GPAM: variants seen among roughly 807,000 people sequenced by gnomAD.
The protein encoded by GPAM is glycerol-3-phosphate acyltransferase 1, mitochondrial.
GPAM carries 56 observed loss-of-function variants against 105.0 expected under a neutral mutation model. The observed-to-expected ratio is 0.53, with a 90% CI of 0.43 to 0.67. GPAM has a LOEUF of 0.67. Ranked by LOEUF, GPAM falls within the 30% of genes least tolerant of loss-of-function variation. GPAM has a pLI of 0.00. For missense variants in GPAM, 855 were observed against 989.8 expected, an observed-to-expected ratio of 0.86 and a Z score of 1.83; for synonymous variants, 368 against 354.4, an observed-to-expected ratio of 1.04 and a Z score of -0.43.
intron 1 of GPAM, among the ~76,000 whole-genome samples, chr10:112,194,375 A>G (rs759243537): frequency 3.3e-5 from 5 of 152,240 alleles, no homozygotes; most frequent in Non-Finnish European, 5.9e-5. Context: ...CTAACAAGAC[A>G]GGCTACACTA....
In GPAM at chr10:112,169,097, T is replaced by C; in HGVS notation, c.795-145A>G. 2.3e-5 allele frequency: 15 copies of C among 643,238 alleles called. No homozygotes were observed. In the South Asian group the frequency reaches 2.6e-4, roughly 11 times the overall value. The allele number at this position is 643,238 out of a possible 1,614,324, so 39.8% of individuals were successfully genotyped here. On this transcript the variant is annotated intron_variant, in intron 9 of 21. Transcript: ENST00000348367. ...TGACAGTAAAAATGCAGGCATTTTT[T>C]TCATTTTCCATATTATCGACATGTT...
Position 112,172,193 on chromosome 10 carries a change from G to A in GPAM, c.783C>T (p.Ile261=). ...TAAGCTCATCTTACCTGAAGATTGG[G>A]ATGTTGAGATTATTGCCTGAAGCAA... ...PYIASGNNLN[I]PIFSTLIHKL... The change falls in exon 9 of 22, where the codon ATC becomes ATT. Residue 261 remains isoleucine (I), a synonymous_variant. Coordinates refer to ENST00000348367, the MANE Select transcript of GPAM (RefSeq NM_001244949.2). 1.9e-6 allele frequency: 3 copies of A among 1,607,590 alleles called. No homozygotes were observed. Among genetic ancestry groups the A allele is most frequent in the East Asian group, 2.2e-5 (1 of 44,806 alleles).
chr10:112,164,863 T>C (rs747801531), intron 12 of GPAM, among the ~76,000 whole-genome samples: 6 of 152,180 alleles, frequency 3.9e-5, no homozygotes, highest in Non-Finnish European at 8.8e-5. Context: ...CATTTTAAAA[T>C]TAAAAGAAAT....
At position 112,152,602 on chromosome 10, in the gene GPAM, T is replaced by C; in HGVS notation, c.*948A>G. The C allele has an allele frequency of 1.0e-6, 1 of 985,452 alleles. No individual in the cohort carries two copies. Among genetic ancestry groups the C allele is most frequent in the South Asian group, 4.7e-5 (1 of 21,290 alleles). 61.0% of individuals were successfully genotyped at this position (985,452 alleles called of 1,614,324 possible). A position where few individuals can be genotyped will look rare whatever the true frequency, so the allele number is the denominator to read the frequency against. ...CCCTCATCAGCTGTGGCCAGAGAAC[T>C]GTATTCTAACAGTCTGTCAGCTCAA... On this transcript the variant is annotated 3_prime_UTR_variant, in exon 22 of 22. Transcript: ENST00000348367.
chr10:112,169,498 C>T (rs1161151599), intron 9 of GPAM, among the ~76,000 whole-genome samples: 1 of 152,154 alleles, frequency 6.6e-6, no homozygotes, highest in Non-Finnish European at 1.5e-5. Flanking sequence ...CAAAAATGTG[C>T]TTCATTTGCA....
chr10:112,189,810 C>T (rs1174716243), intron 1 of GPAM, among the ~76,000 whole-genome samples: 1 of 152,140 alleles, frequency 6.6e-6, no homozygotes, highest in Non-Finnish European at 1.5e-5. Flanking sequence ...CCCAACACCA[C>T]GAATCACACA....
chr10:112,150,871 G>A lies in GPAM; in HGVS notation c.*2679C>T. On this transcript the variant is annotated 3_prime_UTR_variant, in exon 22 of 22. Transcript: ENST00000348367. ...GGTTACTGGCAATTCCACAATTTGG[G>A]CTTACATTCATTGTAATCCCAGAAA... 1.0e-6 allele frequency: 1 copy of A among 984,902 alleles called. No individual in the cohort carries two copies. Among genetic ancestry groups the A allele is most frequent in the Non-Finnish European group, 1.2e-6 (1 of 829,534 alleles). 61.0% of individuals were successfully genotyped at this position (984,902 alleles called of 1,614,324 possible).
intron 16 of GPAM, 161 bp from the exon 17 acceptor site, chr10:112,160,214 A>G (rs1299482452): frequency 5.3e-6 from 2 of 379,978 alleles, no homozygotes; most frequent in African/African-American, 4.4e-5. Flanking sequence ...TTATGATTCC[A>G]TATGATCCCA....
At chr10:112,209,617 C>A (rs536345092) in intron 1 of GPAM, among the ~76,000 whole-genome samples, 22 of 152,236 alleles carry the variant, frequency 1.4e-4, no homozygotes, top group African/African-American at 5.3e-4. Flanking sequence ...CATGGTCCCC[C>A]TGGTTTTCCC....
intron 9 of GPAM, among the ~76,000 whole-genome samples, chr10:112,170,768 T>G (rs558026909): frequency 6.6e-6 from 1 of 152,368 alleles, no homozygotes; most frequent in African/African-American, 2.4e-5. Flanking sequence ...GCTAGCTGTC[T>G]GTCTACATTA....
At chr10:112,178,321 G>A (rs527941962) in intron 4 of GPAM, among the ~76,000 whole-genome samples, 127 of 152,154 alleles carry the variant, frequency 8.3e-4, no homozygotes, top group African/African-American at 2.8e-3. Context: ...AGGCCGAAGC[G>A]GGCAGATCAC....
intron 1 of GPAM, among the ~76,000 whole-genome samples, chr10:112,209,409 G>A (rs1589612106): frequency 6.6e-6 from 1 of 152,060 alleles, no homozygotes; most frequent in Middle Eastern, 3.4e-3. Flanking sequence ...TTACCCAGCG[G>A]GCTCAGCCTG....
chr10:112,196,910 T>G (rs1361144627), intron 1 of GPAM, among the ~76,000 whole-genome samples: 1 of 152,218 alleles, frequency 6.6e-6, no homozygotes, highest in African/African-American at 2.4e-5. Context: ...ACATCATAGT[T>G]ATTTTTCCAG....
intron 1 of GPAM, among the ~76,000 whole-genome samples, chr10:112,197,233 A>G (rs1011928118): frequency 6.6e-6 from 1 of 152,202 alleles, no homozygotes; most frequent in Non-Finnish European, 1.5e-5. Context: ...CCTCCCAGAG[A>G]TAAAGTTTCA....
rs924373694 is a variant in GPAM at position 112,157,325 on chromosome 10, T to C, written c.2045A>G (p.Glu682Gly). 5 of 1,613,136 alleles carry C rather than the reference T, an allele frequency of 3.1e-6. No homozygotes were observed. Among genetic ancestry groups the C allele is most frequent in the Non-Finnish European group, 3.4e-6 (4 of 1,179,174 alleles). The change falls in exon 19 of 22, where the codon GAA (glutamate) becomes GGA (glycine). Residue 682 changes from glutamate (E) to glycine (G), a missense_variant. Transcript: ENST00000348367. Reference protein sequence around the residue: ...AEQQWDKKLPEPLSWRSDEED... With the variant: ...AEQQWDKKLPGPLSWRSDEED... The stretch of plus-strand genomic sequence containing the variant: ...TTCATCACTTCTCCAAGACAAAGGT[T>C]CTGGAAGCTTCTTGTCCCACTGCTG...
chr10:112,164,499 G>C, intron 13 of GPAM, 26 bp downstream of exon 13: 1 of 1,133,298 alleles, frequency 8.8e-7, no homozygotes, highest in Non-Finnish European at 1.3e-6. Context: ...AGCTTGATTA[G>C]CATTAAACAA....
chr10:112,166,422 C>T lies in GPAM; in HGVS notation c.1201G>A (p.Ala401Thr), dbSNP rs372914487. 3.1e-5 allele frequency: 50 copies of T among 1,597,006 alleles called. No individual in the cohort carries two copies. The African/African-American group carries it at 6.2e-4, about 20-fold the overall frequency. Residue 401 changes from alanine (A) to threonine (T), a missense_variant, in exon 12 of 22, where the codon GCA (alanine) becomes ACA (threonine). Coordinates refer to ENST00000348367, the MANE Select transcript of GPAM (RefSeq NM_001244949.2). ...CTCACCTTTAAGGAAAATGGCTGTG[C>T]AAAATCCACTCGGACACAACCATAG... ...KNYGCVRVDFAQPFSLKEYLE... is the reference protein window; with the variant it reads ...KNYGCVRVDFTQPFSLKEYLE...
chr10:112,166,598 T>G (rs1034738411), intron 11 of GPAM, 83 bp from the exon 12 acceptor site: 1 of 832,796 alleles, frequency 1.2e-6, no homozygotes, highest in Non-Finnish European at 2.1e-6. Context: ...GAATAACTTG[T>G]TTTATGGAAA....
Position 112,173,819 on chromosome 10 carries a change from G to A in GPAM, c.440C>T (p.Ala147Val). ...SRVQEAIAEV[A>V]AELNPDGSAQ... ...AGAACCATCAGGGTTTAATTCAGCA[G>A]CCACTTCTGCAATTGCCTCTTGTAC... is the stretch of plus-strand genomic sequence containing the variant. The change falls in exon 7 of 22, where the codon GCT becomes GTT. Residue 147 changes from alanine (A) to valine (V), a missense_variant. Coordinates refer to ENST00000348367, the MANE Select transcript of GPAM (RefSeq NM_001244949.2). 2 of 1,613,136 alleles carry A rather than the reference G, an allele frequency of 1.2e-6. No homozygotes were observed. The highest frequency in any genetic ancestry group is 1.7e-6 in the Non-Finnish European group (2 of 1,179,130).
Sources: allele counts gnomAD v4.1 joint callset (sites outside exome capture counted in the v4.1 genomes callset), GRCh38; gene constraint gnomAD v4.1.1; transcripts MANE v1.5; gene names NCBI Gene and HGNC (gene_info 2026-07-23, HGNC 2026-07-21).